KCNQ5: variants seen among roughly 807,000 people sequenced by gnomAD.
KCNQ5 encodes potassium voltage-gated channel subfamily KQT member 5.
In KCNQ5, 30 loss-of-function variants were observed where a neutral mutation model predicts 98.2. The observed-to-expected ratio is 0.31, with a 90% CI of 0.23 to 0.41. The LOEUF (loss-of-function observed/expected upper bound fraction) is 0.41. KCNQ5 is among the 10% of genes least tolerant of loss of function. KCNQ5 has a pLI of 1.00. For missense variants in KCNQ5, 835 were observed against 1,182.5 expected (o/e 0.71, Z 4.31); for synonymous variants, 458 against 449.4 (o/e 1.02, Z -0.24).
intron 1 of KCNQ5, among the ~76,000 whole-genome samples, chr6:72,675,997 G>GT (rs1767387791): frequency 6.6e-6 from 1 of 152,100 alleles, no homozygotes; most frequent in South Asian, 2.1e-4. Flanking sequence ...CTATGTAACT[G>GT]TTTAAGTAAA....
At chr6:72,829,468 A>C (rs1191390694) in intron 1 of KCNQ5, among the ~76,000 whole-genome samples, 3 of 148,818 alleles carry the variant, frequency 2.0e-5, no homozygotes, top group Non-Finnish European at 4.5e-5. Flanking sequence ...TCTCCTGCTT[A>C]AAAATGACTT....
At chr6:73,067,890 AT>A (rs1562159090) in intron 3 of KCNQ5, among the ~76,000 whole-genome samples, 41 of 698 alleles carry the variant, frequency 0.059, no homozygotes, top group Admixed American at 0.062. Context: ...ATATATATAT[AT>A]ATATATATAT....
chr6:72,869,421 A>G (rs1296155983), intron 1 of KCNQ5, among the ~76,000 whole-genome samples: 1 of 152,186 alleles, frequency 6.6e-6, no homozygotes, highest in East Asian at 1.9e-4. Flanking sequence ...TTTAGACAAA[A>G]TGGTCCTTTA....
chr6:73,140,346 T>C (rs1776653262), intron 10 of KCNQ5, among the ~76,000 whole-genome samples: 2 of 152,224 alleles, frequency 1.3e-5, no homozygotes, highest in African/African-American at 4.8e-5. Flanking sequence ...AGCACCACGC[T>C]GCACATAGCA....
chr6:72,980,925 T>C (rs1768410035), intron 1 of KCNQ5, among the ~76,000 whole-genome samples: 1 of 152,166 alleles, frequency 6.6e-6, no homozygotes, highest in Non-Finnish European at 1.5e-5. Flanking sequence ...AATCAAGTGG[T>C]TTTTGTCTTT....
chr6:72,737,609 A>G (rs1214178328), intron 1 of KCNQ5, among the ~76,000 whole-genome samples: 2 of 152,164 alleles, frequency 1.3e-5, no homozygotes, highest in Admixed American at 6.5e-5. Flanking sequence ...CTTGATATCA[A>G]TTTAGTGGAT....
At chr6:73,042,243 G>A in intron 3 of KCNQ5, 181 bp downstream of exon 3, 1 of 659,058 alleles carries the variant, frequency 1.5e-6, no homozygotes. Flanking sequence ...GCATTATGAG[G>A]TAGATATTTT....
chr6:72,874,961 G>A (rs995511070), intron 1 of KCNQ5, among the ~76,000 whole-genome samples: 4 of 151,968 alleles, frequency 2.6e-5, no homozygotes, highest in African/African-American at 4.8e-5. Context: ...TAATGTTACC[G>A]TTAATGAAAA....
rs1227947774 is a variant in KCNQ5, at chr6:73,077,642, A to T, written c.793-120A>T. The T allele has an allele frequency of 2.4e-6, 3 of 1,249,170 alleles. No individual in the cohort carries two copies. In the African/African-American group the frequency reaches 4.5e-5, roughly 19 times the overall value. 77.4% of individuals were successfully genotyped at this position (1,249,170 alleles called of 1,614,324 possible). On this transcript the variant is annotated intron_variant, in intron 4 of 13. Coordinates refer to ENST00000370398, the MANE Select transcript of KCNQ5 (RefSeq NM_019842.4). ...TTTGGGACATGATGTACAATGGATT[A>T]TTTAAGAGCCATCATAAACATCCAA... is the stretch of plus-strand genomic sequence containing the variant.
In KCNQ5 at chr6:73,084,695, C is replaced by T. The variant is rs191690625; in HGVS notation, c.918+6808C>T. On this transcript the variant is annotated intron_variant, in intron 5 of 13. Coordinates refer to ENST00000370398, the MANE Select transcript of KCNQ5 (RefSeq NM_019842.4). ...TGATTTCCTCCAAGCCCCTAAAGAT[C>T]GCATATGCAGCCTCTCCAGGTTCTC... Among the ~76,000 whole-genome samples, 164 of 152,308 alleles carry T rather than the reference C, an allele frequency of 1.1e-3. 1 individual carries two copies. The highest frequency in any genetic ancestry group is 2.8e-3 in the African/African-American group (115 of 41,568).
intron 1 of KCNQ5, among the ~76,000 whole-genome samples, chr6:73,000,525 T>G (rs1769518005): frequency 6.6e-6 from 1 of 152,198 alleles, no homozygotes; most frequent in Non-Finnish European, 1.5e-5. Context: ...TAAATCCACA[T>G]TTCCACGTGG....
intron 1 of KCNQ5, among the ~76,000 whole-genome samples, chr6:72,920,541 G>A (rs990985756): frequency 2.0e-5 from 3 of 152,174 alleles, no homozygotes; most frequent in African/African-American, 7.2e-5. Flanking sequence ...GCCTCTTTCT[G>A]AAGACTTCTG....
At chr6:72,908,279 T>G (rs1377121052) in intron 1 of KCNQ5, among the ~76,000 whole-genome samples, 1 of 152,012 alleles carries the variant, frequency 6.6e-6, no homozygotes, top group East Asian at 1.9e-4. Context: ...AGTCTAGAGA[T>G]CCAATGTACA....
intron 1 of KCNQ5, among the ~76,000 whole-genome samples, chr6:72,932,301 G>T (rs73753212): frequency 3.9e-5 from 6 of 151,940 alleles, no homozygotes; most frequent in African/African-American, 1.5e-4. Flanking sequence ...TGTGATGAGC[G>T]TGGCAGGGAA....
At chr6:73,185,771 T>C (rs1055053074) in intron 11 of KCNQ5, among the ~76,000 whole-genome samples, 4 of 152,294 alleles carry the variant, frequency 2.6e-5, no homozygotes, top group South Asian at 2.1e-4. Context: ...GGAGGTAATA[T>C]GCCCTTACTT....
chr6:73,068,943 C>CA (rs1198502284), intron 3 of KCNQ5, among the ~76,000 whole-genome samples: 5 of 152,122 alleles, frequency 3.3e-5, no homozygotes, highest in South Asian at 2.1e-4. Flanking sequence ...ATTGCTCCCC[C>CA]AAAAAATACC....
At chr6:72,882,470 A>G (rs762035366) in intron 1 of KCNQ5, among the ~76,000 whole-genome samples, 4 of 152,190 alleles carry the variant, frequency 2.6e-5, no homozygotes, top group African/African-American at 7.2e-5. Context: ...CTCTGAATAC[A>G]TAAGATACCA....
intron 2 of KCNQ5, among the ~76,000 whole-genome samples, chr6:73,004,396 C>T (rs1769726885): frequency 6.6e-6 from 1 of 152,104 alleles, no homozygotes; most frequent in Non-Finnish European, 1.5e-5. Context: ...TTGGCAGTAG[C>T]TAAATATAAT....
At chr6:72,751,940 C>T (rs139760669) in intron 1 of KCNQ5, among the ~76,000 whole-genome samples, 337 of 152,184 alleles carry the variant, frequency 2.2e-3, no homozygotes, top group Middle Eastern at 0.02. Context: ...ATAAATTTCA[C>T]CAAGTAGTTA....
Sources: gnomAD v4.1 joint callset for allele counts (sites outside exome capture counted in the v4.1 genomes callset) on GRCh38, gnomAD v4.1.1 for gene constraint, MANE v1.5 for transcripts, NCBI Gene and HGNC (gene_info 2026-07-23, HGNC 2026-07-21) for gene names.